Variants in CSNK1G1 observed in about 807,000 individuals in gnomAD.
CSNK1G1 encodes the protein casein kinase 1 gamma 1.
A neutral mutation model predicts 59.6 loss-of-function variants in CSNK1G1; 22 were observed. That is an observed-to-expected ratio of 0.37 (90% CI 0.26 to 0.53). The LOEUF is 0.53. CSNK1G1 is among the 20% of genes least tolerant of loss of function. The pLI is 0.89. For synonymous variants in CSNK1G1, 179 were observed against 177.1 expected, an observed-to-expected ratio of 1.01 and a Z score of -0.08; for missense variants, 384 against 519.5, an observed-to-expected ratio of 0.74 and a Z score of 2.54.
chr15:64,347,834 G>A (rs891474108), intron 1 of CSNK1G1, among the ~76,000 whole-genome samples: 17 of 151,158 alleles, frequency 1.1e-4, no homozygotes, highest in African/African-American at 1.5e-4. Flanking sequence ...GGTGAAACCC[G>A]GTCTCTACTA....
chr15:64,229,906 T>A (rs796598498), intron 4 of CSNK1G1, among the ~76,000 whole-genome samples: 193 of 40,766 alleles, frequency 4.7e-3, no homozygotes, highest in African/African-American at 0.017. Flanking sequence ...TTGTAAATTT[T>A]TTTTTTTTTT....
chr15:64,301,227 G>C (rs1895319211), intron 1 of CSNK1G1, among the ~76,000 whole-genome samples: 1 of 152,026 alleles, frequency 6.6e-6, no homozygotes, highest in Admixed American at 6.6e-5. Context: ...CTCTATGAAG[G>C]AACTTCCAAA....
At chr15:64,256,507 A>G (rs1415340987) in intron 3 of CSNK1G1, among the ~76,000 whole-genome samples, 9 of 152,224 alleles carry the variant, frequency 5.9e-5, no homozygotes, top group Admixed American at 5.9e-4. Flanking sequence ...ACATGGCCAT[A>G]GCCTGCTCAG....
intron 1 of CSNK1G1, among the ~76,000 whole-genome samples, chr15:64,302,022 T>C (rs1895372313): frequency 6.6e-6 from 1 of 152,212 alleles, no homozygotes; most frequent in Admixed American, 6.5e-5. Flanking sequence ...AATTCCCTAC[T>C]AAAGTAACAG....
intron 4 of CSNK1G1, among the ~76,000 whole-genome samples, chr15:64,228,289 A>G (rs916580396): frequency 9.9e-5 from 15 of 152,224 alleles, no homozygotes; most frequent in Non-Finnish European, 1.5e-4. Context: ...ATGGATATCT[A>G]TATTACCCAT....
At chr15:64,308,401 A>C (rs1056644717) in intron 1 of CSNK1G1, among the ~76,000 whole-genome samples, 1 of 151,182 alleles carries the variant, frequency 6.6e-6, no homozygotes, top group African/African-American at 2.4e-5. Context: ...GCCCAGCCCC[A>C]CTAGTTATAT....
At chr15:64,345,015 A>G (rs2140482333) in intron 1 of CSNK1G1, among the ~76,000 whole-genome samples, 1 of 152,358 alleles carries the variant, frequency 6.6e-6, no homozygotes, top group Admixed American at 6.5e-5. Flanking sequence ...TTATTTAACT[A>G]GGTGAAAAAA....
chr15:64,282,752 T>C (rs189997504), intron 2 of CSNK1G1, among the ~76,000 whole-genome samples: 1 of 152,324 alleles, frequency 6.6e-6, no homozygotes, highest in East Asian at 1.9e-4. Context: ...CCAAAGTGGT[T>C]ATAGCATTTT....
At chr15:64,212,620 G>A (rs540450320) in intron 6 of CSNK1G1, among the ~76,000 whole-genome samples, 1 of 152,318 alleles carries the variant, frequency 6.6e-6, no homozygotes, top group Admixed American at 6.5e-5. Flanking sequence ...GGCTGAGAAA[G>A]ATCTCTCCAG....
chr15:64,258,978 T>C (rs532276221), intron 3 of CSNK1G1, among the ~76,000 whole-genome samples: 10 of 152,280 alleles, frequency 6.6e-5, no homozygotes, highest in South Asian at 6.2e-4. Context: ...TGAGTCATCA[T>C]TGCTAACACT....
At chr15:64,337,223 G>A (rs113589385) in intron 1 of CSNK1G1, among the ~76,000 whole-genome samples, 2,312 of 152,124 alleles carry the variant, frequency 0.015, 53 homozygotes, top group African/African-American at 0.046. Flanking sequence ...GCGAGACTCC[G>A]TCTCAAACAA....
At chr15:64,251,382 T>C in intron 4 of CSNK1G1, 130 bp downstream of exon 4, 1 of 621,504 alleles carries the variant, frequency 1.6e-6, no homozygotes, top group East Asian at 2.7e-5. Context: ...CTATGTTTAT[T>C]TACCTATCCG....
chr15:64,339,622 C>A (rs1039329767), intron 1 of CSNK1G1, among the ~76,000 whole-genome samples: 2 of 152,176 alleles, frequency 1.3e-5, no homozygotes, highest in Non-Finnish European at 2.9e-5. Context: ...TGTGTTTTAA[C>A]AAACCCTCCA....
Position 64,266,064 on chromosome 15 carries a change from G to A in CSNK1G1, c.182-6823C>T, listed in dbSNP as rs557136368. 83 of 237,258 alleles carry A rather than the reference G, an allele frequency of 3.5e-4. 1 individual carries two copies. Among genetic ancestry groups the A allele is most frequent in the Non-Finnish European group, 5.8e-4 (66 of 113,932 alleles). The allele number at this position is 237,258 out of a possible 1,614,324, so 14.7% of individuals were successfully genotyped here. A position where few individuals can be genotyped will look rare whatever the true frequency, so the allele number is the denominator to read the frequency against. ...AGCCGAGGTGACAAAACAAGACCTT[G>A]TCTCTTTTTTTTTTTTGGAGACAGA... is the stretch of plus-strand genomic sequence containing the variant. On this transcript the variant is annotated intron_variant, in intron 2 of 11. Transcript: ENST00000303052.
chr15:64,310,416 T>C (rs902105511), intron 1 of CSNK1G1, among the ~76,000 whole-genome samples: 64 of 144,728 alleles, frequency 4.4e-4, no homozygotes, highest in African/African-American at 1.6e-3. Context: ...AATAACTGTT[T>C]AAAAAAAAAA....
intron 2 of CSNK1G1, among the ~76,000 whole-genome samples, chr15:64,260,295 C>T (rs972993618): frequency 6.6e-6 from 1 of 152,050 alleles, no homozygotes; most frequent in South Asian, 2.1e-4. Flanking sequence ...GTTATTGGTA[C>T]TGTACGTACA....
chr15:64,205,769 T>C (rs1485417004), intron 7 of CSNK1G1, among the ~76,000 whole-genome samples: 1 of 152,134 alleles, frequency 6.6e-6, no homozygotes, highest in Non-Finnish European at 1.5e-5. Flanking sequence ...AAGTTTGACA[T>C]GAAACTCTAT....
intron 1 of CSNK1G1, among the ~76,000 whole-genome samples, chr15:64,343,208 A>AACACACACAAACACACACACACAC (rs1555405239): frequency 9.1e-6 from 1 of 109,956 alleles, no homozygotes; most frequent in Non-Finnish European, 1.9e-5. Context: ...GCAAAACTCC[A>AACACACACAAACACACACACACAC]ACACACACAC....
chr15:64,314,355 T>C (rs969959509), intron 1 of CSNK1G1, among the ~76,000 whole-genome samples: 2 of 152,060 alleles, frequency 1.3e-5, no homozygotes, highest in African/African-American at 4.8e-5. Flanking sequence ...GTTTAAAAAT[T>C]GTATGTTGAC....
Sources: gnomAD v4.1 joint callset for allele counts (sites outside exome capture counted in the v4.1 genomes callset) on GRCh38, gnomAD v4.1.1 for gene constraint, MANE v1.5 for transcripts, NCBI Gene and HGNC (gene_info 2026-07-23, HGNC 2026-07-21) for gene names.